CTNNA2: variants seen among roughly 807,000 people sequenced by gnomAD.
The protein encoded by CTNNA2 is catenin alpha-2.
CTNNA2 carries 42 observed loss-of-function variants against 101.0 expected under a neutral mutation model. The observed-to-expected ratio is 0.42, with a 90% CI of 0.32 to 0.54. CTNNA2 has a LOEUF of 0.54. CTNNA2 is among the 20% of genes least tolerant of loss of function. The pLI, the probability that CTNNA2 is intolerant of heterozygous loss-of-function variation, is 0.14. For missense variants in CTNNA2, 871 were observed against 1,223.1 expected, an observed-to-expected ratio of 0.71 and a Z score of 4.29; for synonymous variants, 450 against 456.4, an observed-to-expected ratio of 0.99 and a Z score of 0.18.
intron 2 of CTNNA2, among the ~76,000 whole-genome samples, chr2:79,298,462 C>T (rs1676033594): frequency 6.6e-6 from 1 of 152,114 alleles, no homozygotes; most frequent in Non-Finnish European, 1.5e-5. Flanking sequence ...TACATCACCG[C>T]TACAACATTT....
chr2:80,468,166 G>A (rs546467661), intron 9 of CTNNA2, among the ~76,000 whole-genome samples: 2 of 152,210 alleles, frequency 1.3e-5, no homozygotes, highest in East Asian at 3.9e-4. Context: ...TTTGAAGGCA[G>A]GATTGGCTTT....
intron 7 of CTNNA2, among the ~76,000 whole-genome samples, chr2:79,957,292 G>A (rs1191300667): frequency 6.6e-6 from 1 of 152,088 alleles, no homozygotes; most frequent in Non-Finnish European, 1.5e-5. Context: ...CCTTATCTCT[G>A]TCCTTCTCTT....
rs564780284 is a variant in CTNNA2 at position 79,255,392 on chromosome 2, G to A, written c.-406+57316G>A. On this transcript the variant is annotated intron_variant, in intron 2 of 21. Coordinates refer to the CTNNA2 transcript ENST00000466387. ...AGCTCCCAAATTTACTAAGTAGAAG[G>A]TAAATTATACATGGTACATTACTGG... is the stretch of plus-strand genomic sequence containing the variant. 4.6e-5 allele frequency among the ~76,000 whole-genome samples: 7 copies of A among 152,264 alleles called. No individual in the cohort carries two copies. In the South Asian group the frequency reaches 1.5e-3, roughly 32 times the overall value.
At chr2:79,841,499 T>C (rs1679809167) in intron 3 of CTNNA2, among the ~76,000 whole-genome samples, 1 of 152,224 alleles carries the variant, frequency 6.6e-6, no homozygotes. Flanking sequence ...GGTGGGAATT[T>C]AAAATGATTA....
At chr2:80,308,417 G>A (rs542090516) in intron 7 of CTNNA2, among the ~76,000 whole-genome samples, 9 of 152,246 alleles carry the variant, frequency 5.9e-5, no homozygotes, top group African/African-American at 9.6e-5. Flanking sequence ...CAGTGGCAGC[G>A]AACCATGGCT....
intron 18 of CTNNA2, among the ~76,000 whole-genome samples, chr2:80,640,248 C>G (rs889337405): frequency 2.6e-5 from 4 of 152,090 alleles, no homozygotes; most frequent in African/African-American, 9.7e-5. Flanking sequence ...TTGGACAACC[C>G]TGTTAAAATG....
At chr2:79,390,753 A>G (rs1678162518) in intron 4 of CTNNA2, among the ~76,000 whole-genome samples, 1 of 152,200 alleles carries the variant, frequency 6.6e-6, no homozygotes. Context: ...TTGAAAATGT[A>G]TATCATGGAT....
chr2:80,193,978 A>C (rs1436404947), intron 7 of CTNNA2, among the ~76,000 whole-genome samples: 1 of 152,164 alleles, frequency 6.6e-6, no homozygotes, highest in Non-Finnish European at 1.5e-5. Flanking sequence ...TTTTTAAACA[A>C]TGGATTTCCA....
chr2:79,627,580 A>G (rs1679403328), intron 1 of CTNNA2, among the ~76,000 whole-genome samples: 1 of 152,212 alleles, frequency 6.6e-6, no homozygotes, highest in Non-Finnish European at 1.5e-5. Flanking sequence ...TGTCTTTATA[A>G]ACATATGGTC....
At chr2:79,800,712 C>G (rs141537048) in intron 3 of CTNNA2, among the ~76,000 whole-genome samples, 2 of 152,220 alleles carry the variant, frequency 1.3e-5, no homozygotes, top group East Asian at 3.9e-4. Context: ...AAAATTTAGG[C>G]AGGAGCAGAA....
At chr2:79,873,873 A>G (rs1427465177) in intron 5 of CTNNA2, among the ~76,000 whole-genome samples, 2 of 152,114 alleles carry the variant, frequency 1.3e-5, no homozygotes, top group Admixed American at 1.3e-4. Flanking sequence ...CTGTACTCCA[A>G]CCTAGGTCAC....
intron 9 of CTNNA2, among the ~76,000 whole-genome samples, chr2:80,534,888 T>G (rs1289739896): frequency 6.6e-6 from 1 of 152,146 alleles, no homozygotes; most frequent in African/African-American, 2.4e-5. Flanking sequence ...TTTTTGGTAA[T>G]AGCAAACATT....
Position 79,412,582 on chromosome 2 carries a change from T to G in CTNNA2, c.-135+38569T>G, listed in dbSNP as rs1415687847. On this transcript the variant is annotated intron_variant, in intron 4 of 21. Transcript: ENST00000466387. ...AGTGCAATCAAACTAGAACTCAGGATTAAGAAACTCACTCAAAACCGCTCA... is the reference window on the plus strand; with the variant it reads ...AGTGCAATCAAACTAGAACTCAGGAGTAAGAAACTCACTCAAAACCGCTCA... 2.0e-5 allele frequency among the ~76,000 whole-genome samples: 3 copies of G among 151,866 alleles called. No individual in the cohort carries two copies. The East Asian group carries it at 5.8e-4, about 29-fold the overall frequency.
At chr2:79,769,216 A>G (rs1432655480) in intron 3 of CTNNA2, among the ~76,000 whole-genome samples, 1 of 152,120 alleles carries the variant, frequency 6.6e-6, no homozygotes, top group African/African-American at 2.4e-5. Context: ...AAAATGTCCA[A>G]AAATGTTGAC....
chr2:80,144,140 ATAG>A (rs1400608632), intron 7 of CTNNA2, among the ~76,000 whole-genome samples: 1 of 152,158 alleles, frequency 6.6e-6, no homozygotes, highest in Non-Finnish European at 1.5e-5. Context: ...ACTTATAAAA[ATAG>A]TAGGAAGCTT....
chr2:79,453,195 T>C (rs923088705), intron 4 of CTNNA2, among the ~76,000 whole-genome samples: 2 of 152,136 alleles, frequency 1.3e-5, no homozygotes, highest in Non-Finnish European at 2.9e-5. Context: ...TAATGTCTTA[T>C]ATAAATACTA....
At chr2:80,364,988 G>A (rs1485467458) in intron 7 of CTNNA2, among the ~76,000 whole-genome samples, 1 of 152,070 alleles carries the variant, frequency 6.6e-6, no homozygotes, top group African/African-American at 2.4e-5. Context: ...TGGCTAAAGC[G>A]TGCTCCTACA....
intron 17 of CTNNA2, among the ~76,000 whole-genome samples, chr2:80,615,016 A>G (rs1388517269): frequency 1.3e-5 from 2 of 151,366 alleles, no homozygotes; most frequent in African/African-American, 4.8e-5. Context: ...TTACCCCAGG[A>G]ATTCCTGGAC....
intron 2 of CTNNA2, among the ~76,000 whole-genome samples, chr2:79,241,062 C>A (rs1308763137): frequency 6.6e-6 from 1 of 152,078 alleles, no homozygotes; most frequent in Non-Finnish European, 1.5e-5. Context: ...TGGTAATAAA[C>A]CTATTCCACA....
Sources: gnomAD v4.1 joint callset for allele counts (sites outside exome capture counted in the v4.1 genomes callset) on GRCh38, gnomAD v4.1.1 for gene constraint, MANE v1.5 for transcripts, NCBI Gene and HGNC (gene_info 2026-07-23, HGNC 2026-07-21) for gene names.